SMO: variants seen among roughly 807,000 people sequenced by gnomAD.
The protein encoded by SMO is smoothened, frizzled class receptor, also known as protein smoothened.
SMO carries 40 observed loss-of-function variants against 81.6 expected under a neutral mutation model. That is an observed-to-expected ratio of 0.49 (90% CI 0.38 to 0.64). The LOEUF (loss-of-function observed/expected upper bound fraction) is 0.64. Among genes scored for constraint, SMO ranks in the 30% least tolerant of loss-of-function variants. The pLI, the probability that SMO is intolerant of heterozygous loss-of-function variation, is 0.00. For synonymous variants in SMO, 434 were observed against 432.1 expected, an observed-to-expected ratio of 1.00 and a Z score of -0.05; for missense variants, 916 against 1,061.1, an observed-to-expected ratio of 0.86 and a Z score of 1.90.
In SMO at chr7:129,211,110, G is replaced by A. The variant is rs767352128; in HGVS notation, c.1798G>A (p.Val600Met). 23 of 1,604,444 alleles carry A rather than the reference G, an allele frequency of 1.4e-5. No individual in the cohort carries two copies. Among genetic ancestry groups the A allele is most frequent in the East Asian group, 4.5e-5 (2 of 44,774 alleles). ...GCACACTGTGTCCCACGACGGGCCCGTGGGTGAGCCTCACCCCTCCTCTAC... is the reference window on the plus strand; with the variant it reads ...GCACACTGTGTCCCACGACGGGCCCATGGGTGAGCCTCACCCCTCCTCTAC... ...SMHTVSHDGP[V>M]AGLAFDLNEP... The change falls in exon 10 of 12, where the codon GTG becomes ATG. Residue 600 changes from valine to methionine, a missense_variant. Transcript: ENST00000249373. The surrounding 1 kb of genome is among the most constrained non-coding windows in gnomAD (Gnocchi z 4.6).
rs549509157 is a variant in SMO, at chr7:129,189,987, G to T, written c.331+505G>T. On this transcript the variant is annotated intron_variant, in intron 1 of 11. Transcript: ENST00000249373. The surrounding 1 kb of genome is among the most constrained non-coding windows in gnomAD (Gnocchi z 4.7). ...AAGGAAAAGAAACCTCCCTAGTGAT[G>T]AATTATTAAAAGGTAACCAGAAAGT... 6.6e-6 allele frequency among the ~76,000 whole-genome samples: 1 copy of T among 152,112 alleles called. No individual in the cohort carries two copies. The highest frequency in any genetic ancestry group is 1.5e-5 in the Non-Finnish European group (1 of 68,028).
Position 129,210,999 on chromosome 7 carries a change from A to G in SMO, c.1687A>G (p.Ile563Val), listed in dbSNP as rs2150654615. The change falls in exon 10 of 12, where the codon ATC becomes GTC. Residue 563 changes from isoleucine to valine, a missense_variant. Transcript: ENST00000249373. This position sits in a 1 kb window ranked among gnomAD's most constrained non-coding sequence, Gnocchi z 4.7. ...TGQSDDEPKR[I>V]KKSKMIAKAF... ...GCAGAGTGACGATGAGCCAAAGCGG[A>G]TCAAGAAGAGCAAGATGATTGCCAA... 6.2e-7 allele frequency: 1 copy of G among 1,613,738 alleles called. No individual in the cohort carries two copies.
Position 129,211,601 on chromosome 7 carries a change from T to C in SMO, c.1802-35T>C, listed in dbSNP as rs2150655444. ...GCACTGCCAGGGACCGGGAAGTCAC[T>C]ATTCCTTCTCCTTTCCTTCCTTCCA... On this transcript the variant is annotated intron_variant, in intron 10 of 11. Transcript: ENST00000249373. This position sits in a 1 kb window ranked among gnomAD's most constrained non-coding sequence, Gnocchi z 4.6. 6.2e-7 allele frequency: 1 copy of C among 1,607,588 alleles called. No homozygotes were observed. Among genetic ancestry groups the C allele is most frequent in the Non-Finnish European group, 8.5e-7 (1 of 1,177,402 alleles).
At chr7:129,198,160 C>T (rs1793615005) in intron 1 of SMO, among the ~76,000 whole-genome samples, 1 of 152,018 alleles carries the variant, frequency 6.6e-6, no homozygotes, top group African/African-American at 2.4e-5. Context: ...CCATATTGCC[C>T]AGGTTGGTCT....
intron 1 of SMO, 45 bp from the exon 2 acceptor site, chr7:129,203,339 C>G (rs925564279): frequency 1.6e-4 from 225 of 1,425,684 alleles, no homozygotes; most frequent in Non-Finnish European, 2.0e-4. Context: ...GTCTGTGGGT[C>G]AGAGTGAGGA....
Position 129,189,502 on chromosome 7 carries a change from G to C in SMO, c.331+20G>C. 1.3e-6 allele frequency: 2 copies of C among 1,534,986 alleles called. No individual in the cohort carries two copies. Among genetic ancestry groups the C allele is most frequent in the Non-Finnish European group, 1.7e-6 (2 of 1,146,574 alleles). On this transcript the variant is annotated intron_variant, in intron 1 of 11. Transcript: ENST00000249373. The surrounding 1 kb of genome is among the most constrained non-coding windows in gnomAD (Gnocchi z 4.7). The stretch of plus-strand genomic sequence containing the variant: ...GGTCGGGTAAGTGCGGCGGAGCCGG[G>C]TCTGGGGGGCGGGAGGTGCCGCGGT...
chr7:129,201,099 T>C (rs1793661562), intron 1 of SMO, among the ~76,000 whole-genome samples: 1 of 152,126 alleles, frequency 6.6e-6, no homozygotes, highest in South Asian at 2.1e-4. Context: ...TAGGCTGGAG[T>C]GCAGTGGTGC....
chr7:129,207,931 A>G (rs906770966), intron 6 of SMO, among the ~76,000 whole-genome samples: 19 of 152,052 alleles, frequency 1.2e-4, no homozygotes, highest in Non-Finnish European at 1.5e-5. Flanking sequence ...AACAAGTCCA[A>G]ATTGAGATGT....
chr7:129,189,575 A>C lies in SMO; in HGVS notation c.331+93A>C. 7.1e-7 allele frequency: 1 copy of C among 1,398,884 alleles called. No homozygotes were observed. Among genetic ancestry groups the C allele is most frequent in the South Asian group, 1.3e-5 (1 of 77,370 alleles). The allele number at this position is 1,398,884 out of a possible 1,614,324, so 86.7% of individuals were successfully genotyped here. On this transcript the variant is annotated intron_variant, in intron 1 of 11. Transcript: ENST00000249373. This position sits in a 1 kb window ranked among gnomAD's most constrained non-coding sequence, Gnocchi z 4.7. ...GAACAGGCTCAGGCCTGAGTTTTGG[A>C]GAGGGCGGGGACAGCACCCGGGAGA...
At chr7:129,195,122 GT>G (rs1793550593) in intron 1 of SMO, among the ~76,000 whole-genome samples, 1 of 152,162 alleles carries the variant, frequency 6.6e-6, no homozygotes, top group African/African-American at 2.4e-5. Context: ...GTCATCTCAA[GT>G]TTTTGCCCAT....
chr7:129,190,498 A>G (rs1157205454), intron 1 of SMO, among the ~76,000 whole-genome samples: 2 of 152,278 alleles, frequency 1.3e-5, no homozygotes, highest in Admixed American at 1.3e-4. Flanking sequence ...AGCCAGGAGC[A>G]GAACTGGGAG....
At chr7:129,207,055 G>A (rs1178559616) in intron 6 of SMO, among the ~76,000 whole-genome samples, 1 of 152,170 alleles carries the variant, frequency 6.6e-6, no homozygotes, top group Admixed American at 6.5e-5. Context: ...ATGTTAGCCA[G>A]GCTGGTCTTG....
In SMO at chr7:129,205,475, G is replaced by A. The variant is rs1057249571; in HGVS notation, c.747+63G>A. 7 of 1,569,692 alleles carry A rather than the reference G, an allele frequency of 4.5e-6. No individual in the cohort carries two copies. In the African/African-American group the frequency reaches 9.5e-5, roughly 21 times the overall value. ...CTGGAACGTGGGAAGAGAGCCAGAG[G>A]GAAGGGGGGCAAAGAGGTCTTGGTG... On this transcript the variant is annotated intron_variant, in intron 3 of 11. Coordinates refer to ENST00000249373, the MANE Select transcript of SMO (RefSeq NM_005631.5).
Position 129,211,390 on chromosome 7 carries a change from C to T in SMO, c.1802-246C>T, listed in dbSNP as rs1264815468. On this transcript the variant is annotated intron_variant, in intron 10 of 11. Transcript: ENST00000249373. This position sits in a 1 kb window ranked among gnomAD's most constrained non-coding sequence, Gnocchi z 4.6. ...TTCTCATAAATTCTCCAGTTGCTCTCCCTGGGCAAGAGTAAGTCAGGGTTC... is the reference window on the plus strand; with the variant it reads ...TTCTCATAAATTCTCCAGTTGCTCTTCCTGGGCAAGAGTAAGTCAGGGTTC... 6 of 710,928 alleles carry T rather than the reference C, an allele frequency of 8.4e-6. No individual in the cohort carries two copies. Among genetic ancestry groups the T allele is most frequent in the East Asian group, 5.4e-5 (2 of 37,026 alleles). 44.0% of individuals were successfully genotyped at this position (710,928 alleles called of 1,614,324 possible).
At position 129,201,842 on chromosome 7, in the gene SMO, G is replaced by A. The variant is rs112539377; in HGVS notation, c.332-1542G>A. Among the ~76,000 whole-genome samples the A allele has an allele frequency of 3.8e-4, 58 of 151,584 alleles. 1 individual carries two copies. The highest frequency in any genetic ancestry group is 9.2e-4 in the African/African-American group (38 of 41,404). On this transcript the variant is annotated intron_variant, in intron 1 of 11. Coordinates refer to ENST00000249373, the MANE Select transcript of SMO (RefSeq NM_005631.5). ...ATTACAGGCATGTACCACCACGACCGGCTAATTTTTGTATTTTTAGTAGAG... is the reference window on the plus strand; with the variant it reads ...ATTACAGGCATGTACCACCACGACCAGCTAATTTTTGTATTTTTAGTAGAG...
At position 129,210,502 on chromosome 7, in the gene SMO, G is replaced by A. The variant is rs1367686794; in HGVS notation, c.1606G>A (p.Val536Ile). 5 of 1,614,116 alleles carry A rather than the reference G, an allele frequency of 3.1e-6. No homozygotes were observed. The highest frequency in any genetic ancestry group is 4.2e-6 in the Non-Finnish European group (5 of 1,180,046). ...FGTGIAMSTW[V>I]WTKATLLIWR... The stretch of plus-strand genomic sequence containing the variant: ...AACTGGCATCGCCATGAGCACCTGG[G>A]TCTGGACCAAGGCCACGCTGCTCAT... Residue 536 changes from valine (V) to isoleucine (I), a missense_variant, in exon 9 of 12, where the codon GTC (valine) becomes ATC (isoleucine). Val to Ile is a conservative substitution (Grantham distance 29). This residue lies in a region of SMO where 436 missense variants were observed against 570.9 expected (regional missense o/e 0.76). Coordinates refer to ENST00000249373, the MANE Select transcript of SMO (RefSeq NM_005631.5). The surrounding 1 kb of genome is among the most constrained non-coding windows in gnomAD (Gnocchi z 4.7).
chr7:129,190,655 T>G (rs1419065482), intron 1 of SMO, among the ~76,000 whole-genome samples: 2 of 152,212 alleles, frequency 1.3e-5, no homozygotes, highest in Non-Finnish European at 2.9e-5. Context: ...GCCATAAGGT[T>G]CCTGGCTTGG....
chr7:129,198,375 A>G (rs536639861), intron 1 of SMO, among the ~76,000 whole-genome samples: 1 of 152,326 alleles, frequency 6.6e-6, no homozygotes, highest in East Asian at 1.9e-4. Flanking sequence ...GTAACCACCA[A>G]CACTGGTTTT....
At chr7:129,205,535 C>T (rs2150648792) in intron 3 of SMO, 75 bp from the exon 4 acceptor site, 1 of 1,530,176 alleles carries the variant, frequency 6.5e-7, no homozygotes, top group African/African-American at 1.4e-5. Flanking sequence ...TCAGAAGGGT[C>T]TGGGGCTCAG....
Sources: gnomAD v4.1 joint callset for allele counts (sites outside exome capture counted in the v4.1 genomes callset) on GRCh38, gnomAD v4.1.1 for gene constraint, gnomAD v4.1.1 regional missense constraint, Gnocchi (gnomAD v3.1) non-coding constraint, MANE v1.5 for transcripts, NCBI Gene and HGNC (gene_info 2026-07-23, HGNC 2026-07-21) for gene names.